DNAJC24: variants seen among roughly 807,000 people sequenced by gnomAD.
The protein encoded by DNAJC24 is DnaJ heat shock protein family (Hsp40) member C24.
DNAJC24 carries 17 observed loss-of-function variants against 18.0 expected under a neutral mutation model. The observed-to-expected ratio is 0.94, with a 90% confidence interval of 0.65 to 1.42. The LOEUF is 1.42. DNAJC24 is among the 40% of genes most tolerant of loss of function. The pLI is 0.00. For missense variants in DNAJC24, 158 were observed against 175.6 expected (o/e 0.90, Z 0.57); for synonymous variants, 55 against 57.7 (o/e 0.95, Z 0.21).
chr11:31,420,412 A>G (rs1952792368), intron 3 of DNAJC24, among the ~76,000 whole-genome samples: 1 of 152,016 alleles, frequency 6.6e-6, no homozygotes. Context: ...TTTTATTGGG[A>G]CCTACAATAG....
intron 2 of DNAJC24, among the ~76,000 whole-genome samples, chr11:31,407,725 A>ATATAT (rs1952670275): frequency 2.1e-5 from 3 of 145,372 alleles, no homozygotes; most frequent in Non-Finnish European, 4.5e-5. Flanking sequence ...ATATATATAT[A>ATATAT]AAATTTTTCA....
chr11:31,418,735 A>G (rs1351909956), intron 3 of DNAJC24, among the ~76,000 whole-genome samples: 1 of 152,102 alleles, frequency 6.6e-6, no homozygotes, highest in African/African-American at 2.4e-5. Context: ...AGGTTGGGCC[A>G]GATACTGTAA....
Position 31,400,007 on chromosome 11 carries a change from T to C in DNAJC24, c.112-14804T>C, listed in dbSNP as rs974728730. Among the ~76,000 whole-genome samples, 24 of 152,102 alleles carry C rather than the reference T, an allele frequency of 1.6e-4. No homozygotes were observed. In the East Asian group the frequency reaches 4.5e-3, roughly 28 times the overall value. ...GCTCCCACTTATGAGTGAGAACATG[T>C]GGTGTTTGGTTTTCTGTTCCTATGT... On this transcript the variant is annotated intron_variant, in intron 2 of 4. Coordinates refer to ENST00000465995, the MANE Select transcript of DNAJC24 (RefSeq NM_181706.5).
chr11:31,399,532 G>A (rs987715961), intron 2 of DNAJC24, among the ~76,000 whole-genome samples: 17 of 151,026 alleles, frequency 1.1e-4, no homozygotes, highest in African/African-American at 4.1e-4. Context: ...TTCTGCCTCA[G>A]CTTCCTGAGT....
intron 2 of DNAJC24, among the ~76,000 whole-genome samples, chr11:31,399,288 T>C (rs1471705181): frequency 1.3e-5 from 2 of 152,174 alleles, no homozygotes; most frequent in East Asian, 1.9e-4. Context: ...TAAGGTATAT[T>C]ATAGAGGTTT....
intron 2 of DNAJC24, among the ~76,000 whole-genome samples, chr11:31,409,893 T>TC (rs1205619995): frequency 6.6e-6 from 1 of 151,426 alleles, no homozygotes; most frequent in African/African-American, 2.4e-5. Flanking sequence ...TTTTTCTTTT[T>TC]TTTTTTTTTG....
intron 2 of DNAJC24, among the ~76,000 whole-genome samples, chr11:31,414,213 T>C (rs1199791950): frequency 1.3e-5 from 2 of 152,210 alleles, no homozygotes; most frequent in African/African-American, 4.8e-5. Flanking sequence ...TTCTTTAAAG[T>C]TATTTCTTAC....
At chr11:31,426,499 A>G (rs1321159632) in intron 4 of DNAJC24, 144 bp downstream of exon 4, 2 of 504,310 alleles carry the variant, frequency 4.0e-6, no homozygotes, top group Non-Finnish European at 6.8e-6. Flanking sequence ...TTCTGTCTGG[A>G]GTATTTCTGC....
At chr11:31,426,223 T>C in intron 3 of DNAJC24, 64 bp from the exon 4 acceptor site, 1 of 1,089,642 alleles carries the variant, frequency 9.2e-7, no homozygotes, top group Non-Finnish European at 1.4e-6. Context: ...CTTTTTAGCA[T>C]TCTTCAAGGT....
chr11:31,413,328 T>TA (rs1190087898), intron 2 of DNAJC24, among the ~76,000 whole-genome samples: 1 of 140,706 alleles, frequency 7.1e-6, no homozygotes, highest in Non-Finnish European at 1.6e-5. Flanking sequence ...AATACTATCT[T>TA]TTTTTTTTTT....
intron 2 of DNAJC24, among the ~76,000 whole-genome samples, chr11:31,410,695 T>C (rs1273085316): frequency 6.6e-6 from 1 of 152,222 alleles, no homozygotes; most frequent in African/African-American, 2.4e-5. Context: ...GTTTATGGAA[T>C]TAGAAGGATT....
intron 4 of DNAJC24, chr11:31,427,047 C>T (rs891831520): frequency 6.6e-6 from 1 of 152,062 alleles, no homozygotes; most frequent in Non-Finnish European, 1.5e-5. Flanking sequence ...GAGTACCATA[C>T]TTACTTGTTT....
chr11:31,429,029 T>C (rs1952892446), intron 4 of DNAJC24, among the ~76,000 whole-genome samples: 1 of 152,146 alleles, frequency 6.6e-6, no homozygotes, highest in South Asian at 2.1e-4. Context: ...GGTTAGAATA[T>C]GTATCTTTTT....
chr11:31,394,979 G>A (rs539809066), intron 2 of DNAJC24, among the ~76,000 whole-genome samples: 4 of 152,192 alleles, frequency 2.6e-5, no homozygotes, highest in Admixed American at 6.5e-5. Context: ...TGTCACTCAG[G>A]TGATAAGCAT....
At chr11:31,390,100 G>A (rs4244477) in intron 2 of DNAJC24, among the ~76,000 whole-genome samples, 46,623 of 151,960 alleles carry the variant, frequency 0.31, 7,660 homozygotes, top group Non-Finnish European at 0.35. Flanking sequence ...TAACGAGATC[G>A]AAGATGTAAT....
chr11:31,375,427 G>C (rs1347223977), intron 2 of DNAJC24, among the ~76,000 whole-genome samples: 1 of 135,230 alleles, frequency 7.4e-6, no homozygotes, highest in East Asian at 1.9e-4. Context: ...AGGAGAATGA[G>C]GGTAGGTGGA....
rs976020454 is a variant in DNAJC24 at position 31,374,731 on chromosome 11, G to A, written c.111+3872G>A. Among the ~76,000 whole-genome samples the A allele has an allele frequency of 1.5e-5, 2 of 133,746 alleles. 1 individual carries two copies. The highest frequency in any genetic ancestry group is 3.5e-5 in the Non-Finnish European group (2 of 57,866). The allele number at this position is 133,746 out of a possible 152,430, so 87.7% of individuals were successfully genotyped here. The stretch of plus-strand genomic sequence containing the variant: ...TTGCCCCTCAACTCCACTCTCAAAG[G>A]TACTTAATGCCTTCCGTTCCTCAAT... On this transcript the variant is annotated intron_variant, in intron 2 of 4. Coordinates refer to ENST00000465995, the MANE Select transcript of DNAJC24 (RefSeq NM_181706.5).
chr11:31,429,653 G>C (rs1019205122), intron 4 of DNAJC24: 6 of 229,162 alleles, frequency 2.6e-5, no homozygotes, highest in Non-Finnish European at 5.7e-5. Flanking sequence ...TCAGCATCTT[G>C]TTGGTTCATG....
At chr11:31,414,590 G>A (rs998172406) in intron 2 of DNAJC24, among the ~76,000 whole-genome samples, 5 of 152,120 alleles carry the variant, frequency 3.3e-5, no homozygotes, top group Non-Finnish European at 5.9e-5. Flanking sequence ...GTCTTTGCAC[G>A]TTGTGACAGA....
Sources: allele counts gnomAD v4.1 joint callset (sites outside exome capture counted in the v4.1 genomes callset), GRCh38; gene constraint gnomAD v4.1.1; transcripts MANE v1.5; gene names NCBI Gene and HGNC (gene_info 2026-07-23, HGNC 2026-07-21).